ELP4: variants seen among roughly 807,000 people sequenced by gnomAD.
The protein encoded by ELP4 is elongator complex protein 4.
ELP4 carries 51 observed loss-of-function variants against 48.9 expected under a neutral mutation model. The observed-to-expected ratio is 1.04, with a 90% confidence interval of 0.83 to 1.32. The LOEUF is 1.32. ELP4 is among the 40% of genes most tolerant of loss of function. The pLI is 0.00. For missense variants in ELP4, 519 were observed against 514.6 expected (o/e 1.01, Z -0.08); for synonymous variants, 210 against 189.2 (o/e 1.11, Z -0.90).
At chr11:31,653,226 C>T (rs1245762564) in intron 9 of ELP4, 1 of 151,682 alleles carries the variant, frequency 6.6e-6, no homozygotes, top group East Asian at 1.9e-4. Context: ...ATACTAATTG[C>T]ACTAAAATCC....
rs369945249 is a variant in ELP4, at chr11:31,704,881, C to T, written c.1143+54660C>T. ...CAAAAGTTAGCCGGGCATGGTGGTG[C>T]GCGCCTATAGTCCCAGCTACTTGGG... On this transcript the variant is annotated intron_variant, in intron 9 of 9. Coordinates refer to ENST00000640961, the MANE Select transcript of ELP4 (RefSeq NM_019040.5). 1.1e-4 allele frequency among the ~76,000 whole-genome samples: 16 copies of T among 151,488 alleles called. No individual in the cohort carries two copies. In the East Asian group the frequency reaches 1.8e-3, roughly 17 times the overall value.
intron 4 of ELP4, among the ~76,000 whole-genome samples, chr11:31,603,290 A>G (rs1021512149): frequency 2.0e-5 from 3 of 151,898 alleles, no homozygotes; most frequent in Admixed American, 2.0e-4. Flanking sequence ...GTGAGAATTC[A>G]GTTTTAAAAT....
chr11:31,721,468 G>A (rs1044782254), intron 9 of ELP4, among the ~76,000 whole-genome samples: 1 of 151,808 alleles, frequency 6.6e-6, no homozygotes, highest in African/African-American at 2.4e-5. Context: ...TGGTTTGTTA[G>A]AATTTTTAAC....
chr11:31,545,821 G>T (rs1209216716), intron 3 of ELP4, among the ~76,000 whole-genome samples: 1 of 152,064 alleles, frequency 6.6e-6, no homozygotes, highest in Non-Finnish European at 1.5e-5. Flanking sequence ...GAGAGTGGGG[G>T]CCAATATTGA....
At chr11:31,533,081 T>TAC (rs1956425888) in intron 2 of ELP4, among the ~76,000 whole-genome samples, 2 of 151,874 alleles carry the variant, frequency 1.3e-5, no homozygotes, top group East Asian at 3.9e-4. Context: ...CGGCCACAAG[T>TAC]ACAGATTTTT....
chr11:31,712,083 A>G (rs187871286), intron 9 of ELP4, among the ~76,000 whole-genome samples: 83 of 152,088 alleles, frequency 5.5e-4, no homozygotes, highest in African/African-American at 2.0e-3. Context: ...ATCACCAACT[A>G]CCAATACCTA....
At chr11:31,610,908 CA>C (rs1451648413) in intron 5 of ELP4, among the ~76,000 whole-genome samples, 2 of 152,146 alleles carry the variant, frequency 1.3e-5, no homozygotes, top group Non-Finnish European at 2.9e-5. Flanking sequence ...GCCCTTACTT[CA>C]ATAATGTAAT....
chr11:31,559,796 G>A (rs911799700), intron 3 of ELP4, among the ~76,000 whole-genome samples: 14 of 151,692 alleles, frequency 9.2e-5, no homozygotes, highest in Admixed American at 7.2e-4. Context: ...CCAGCTACTC[G>A]GGTGGCTGAG....
Position 31,519,513 on chromosome 11 carries a change from G to A in ELP4, c.224-543G>A, listed in dbSNP as rs376067527. Among the ~76,000 whole-genome samples, 101 of 152,270 alleles carry A rather than the reference G, an allele frequency of 6.6e-4. 3 individuals are homozygous for A. In the South Asian group the frequency reaches 0.018, roughly 27 times the overall value. On this transcript the variant is annotated intron_variant, in intron 1 of 9. Transcript: ENST00000640961. ...TCATAGAAGAAAGGAGGATAGTACA[G>A]TATATTATGGTAGTAATTTTAGGCC...
At chr11:31,754,002 C>T (rs1419130889) in intron 9 of ELP4, among the ~76,000 whole-genome samples, 1 of 152,126 alleles carries the variant, frequency 6.6e-6, no homozygotes, top group Admixed American at 6.5e-5. Flanking sequence ...GTGATGAGTA[C>T]ATGGGTGCTT....
chr11:31,552,086 G>T (rs757432407), intron 3 of ELP4, among the ~76,000 whole-genome samples: 31 of 152,004 alleles, frequency 2.0e-4, no homozygotes, highest in Non-Finnish European at 3.5e-4. Context: ...CTCATCAATA[G>T]CACTTGATAT....
chr11:31,691,839 T>C (rs780843942), intron 9 of ELP4, among the ~76,000 whole-genome samples: 1 of 152,182 alleles, frequency 6.6e-6, no homozygotes, highest in Non-Finnish European at 1.5e-5. Flanking sequence ...AAGCTGGTTA[T>C]TCATCCTGAG....
chr11:31,592,282 C>T (rs979034050), intron 3 of ELP4, among the ~76,000 whole-genome samples: 2 of 152,052 alleles, frequency 1.3e-5, no homozygotes, highest in Non-Finnish European at 2.9e-5. Context: ...TGGTGGCTCA[C>T]GCCTGTAATC....
intron 7 of ELP4, among the ~76,000 whole-genome samples, chr11:31,641,338 A>G (rs1481466269): frequency 1.3e-5 from 2 of 151,906 alleles, no homozygotes; most frequent in Admixed American, 6.6e-5. Context: ...CTGTAGCCCA[A>G]GAATTTTTTT....
intron 7 of ELP4, among the ~76,000 whole-genome samples, chr11:31,639,323 T>A (rs1945041231): frequency 6.6e-6 from 1 of 151,924 alleles, no homozygotes; most frequent in Admixed American, 6.6e-5. Flanking sequence ...CAGTTTTACA[T>A]CATATTTATC....
chr11:31,685,390 G>GA (rs200744511), intron 9 of ELP4, among the ~76,000 whole-genome samples: 41 of 148,378 alleles, frequency 2.8e-4, no homozygotes, highest in Admixed American at 8.7e-4. Flanking sequence ...AAATTTAATT[G>GA]AAAAAAAAAA....
intron 3 of ELP4, among the ~76,000 whole-genome samples, chr11:31,588,456 T>C (rs529008317): frequency 6.6e-6 from 1 of 152,312 alleles, no homozygotes; most frequent in South Asian, 2.1e-4. Context: ...TTAACAACTT[T>C]GGTATTTTTA....
At chr11:31,635,422 T>C (rs1482790624) in intron 7 of ELP4, among the ~76,000 whole-genome samples, 1 of 151,948 alleles carries the variant, frequency 6.6e-6, no homozygotes, top group Non-Finnish European at 1.5e-5. Context: ...AGCTAATGAG[T>C]GGCAGACTTT....
chr11:31,679,948 C>T (rs1297184661), intron 9 of ELP4, among the ~76,000 whole-genome samples: 1 of 152,172 alleles, frequency 6.6e-6, no homozygotes, highest in African/African-American at 2.4e-5. Flanking sequence ...TCTCTAATGT[C>T]CACCCTGAGC....
Sources: gnomAD v4.1 joint callset for allele counts (sites outside exome capture counted in the v4.1 genomes callset) on GRCh38, gnomAD v4.1.1 for gene constraint, MANE v1.5 for transcripts, NCBI Gene and HGNC (gene_info 2026-07-23, HGNC 2026-07-21) for gene names.